COX7B2: variants seen among roughly 807,000 people sequenced by gnomAD.
COX7B2 encodes the protein cytochrome c oxidase subunit 7B2, mitochondrial.
For missense variants in COX7B2, 109 were observed against 95.9 expected (o/e 1.14, Z -0.57); for synonymous variants, 37 against 32.1 (o/e 1.15, Z -0.51).
intron 2 of COX7B2, among the ~76,000 whole-genome samples, chr4:46,826,788 C>T (rs1212278718): frequency 2.0e-5 from 3 of 151,888 alleles, no homozygotes; most frequent in South Asian, 4.2e-4. Context: ...CATGTTCTCA[C>T]GTATAAGTGG....
At chr4:46,869,398 T>A (rs1008789247) in intron 1 of COX7B2, among the ~76,000 whole-genome samples, 1 of 152,190 alleles carries the variant, frequency 6.6e-6, no homozygotes, top group Non-Finnish European at 1.5e-5. Context: ...ATGTGTGGGT[T>A]TGATCTTATC....
chr4:46,785,076 C>T (rs1717676203), intron 2 of COX7B2, among the ~76,000 whole-genome samples: 1 of 152,142 alleles, frequency 6.6e-6, no homozygotes, highest in Non-Finnish European at 1.5e-5. Context: ...TATTTCATTA[C>T]TCCAAAGAGT....
At chr4:46,811,455 T>C (rs1452805525) in intron 2 of COX7B2, among the ~76,000 whole-genome samples, 5 of 152,140 alleles carry the variant, frequency 3.3e-5, no homozygotes, top group Non-Finnish European at 7.4e-5. Flanking sequence ...TTTTATTTCA[T>C]TGATTGAATT....
chr4:46,793,427 G>A (rs746693755), intron 2 of COX7B2, among the ~76,000 whole-genome samples: 3 of 152,118 alleles, frequency 2.0e-5, no homozygotes, highest in Admixed American at 6.6e-5. Flanking sequence ...GGATTTAGGC[G>A]GTTTTTTATT....
chr4:46,897,443 G>T (rs1719830936), intron 1 of COX7B2, among the ~76,000 whole-genome samples: 1 of 152,178 alleles, frequency 6.6e-6, no homozygotes. Flanking sequence ...AAGAAAAGTT[G>T]TGTCTCTCTG....
intron 1 of COX7B2, among the ~76,000 whole-genome samples, chr4:46,875,457 A>G (rs1020090768): frequency 1.3e-5 from 2 of 152,142 alleles, no homozygotes; most frequent in Non-Finnish European, 1.5e-5. Flanking sequence ...TCAATTCTGA[A>G]CAATTTCAGC....
At chr4:46,748,779 T>C (rs1007970909) in intron 2 of COX7B2, among the ~76,000 whole-genome samples, 1 of 152,204 alleles carries the variant, frequency 6.6e-6, no homozygotes, top group African/African-American at 2.4e-5. Flanking sequence ...ACTCATCTTC[T>C]AACAAATTCT....
chr4:46,777,193 G>A (rs139321611), intron 2 of COX7B2, among the ~76,000 whole-genome samples: 2 of 152,088 alleles, frequency 1.3e-5, no homozygotes, highest in African/African-American at 2.4e-5. Flanking sequence ...ACAGAATCTG[G>A]ACCTTGAAAC....
chr4:46,735,837 T>A (rs1714331507), intron 2 of COX7B2, among the ~76,000 whole-genome samples: 1 of 152,146 alleles, frequency 6.6e-6, no homozygotes, highest in South Asian at 2.1e-4. Context: ...CACTTAACAT[T>A]GAGGAATTAT....
At chr4:46,791,256 G>T (rs539638795) in intron 2 of COX7B2, among the ~76,000 whole-genome samples, 1 of 151,180 alleles carries the variant, frequency 6.6e-6, no homozygotes, top group South Asian at 2.1e-4. Flanking sequence ...TGATCCTCCC[G>T]CCTTGGCCTC....
intron 2 of COX7B2, among the ~76,000 whole-genome samples, chr4:46,803,501 T>C (rs1350447362): frequency 6.6e-6 from 1 of 152,198 alleles, no homozygotes; most frequent in Non-Finnish European, 1.5e-5. Context: ...AGTCATATTT[T>C]TTAAAGACTA....
intron 2 of COX7B2, among the ~76,000 whole-genome samples, chr4:46,748,564 A>T (rs1311125094): frequency 6.6e-6 from 1 of 152,292 alleles, no homozygotes; most frequent in Non-Finnish European, 1.5e-5. Context: ...CACTCCATGC[A>T]GTTTTCATTC....
chr4:46,814,775 T>C (rs1577598755), intron 2 of COX7B2, among the ~76,000 whole-genome samples: 3 of 152,326 alleles, frequency 2.0e-5, no homozygotes, highest in Non-Finnish European at 2.9e-5. Context: ...TTTATGATCA[T>C]TTACAGTAGT....
At chr4:46,847,333 G>A (rs1716350672) in intron 1 of COX7B2, among the ~76,000 whole-genome samples, 1 of 152,094 alleles carries the variant, frequency 6.6e-6, no homozygotes. Flanking sequence ...TAGAAACTTA[G>A]GGCAGCCTCC....
At chr4:46,808,401 T>C (rs772295066) in intron 2 of COX7B2, among the ~76,000 whole-genome samples, 1 of 151,894 alleles carries the variant, frequency 6.6e-6, no homozygotes, top group Non-Finnish European at 1.5e-5. Context: ...GCCATATTCA[T>C]TTATTAGTTC....
chr4:46,908,821 C>G (rs1239838049), intron 1 of COX7B2, among the ~76,000 whole-genome samples: 1 of 150,838 alleles, frequency 6.6e-6, no homozygotes, highest in Admixed American at 6.6e-5. Context: ...GCGGGTGGAT[C>G]ACGAGGTCAG....
At chr4:46,741,713 C>A (rs1394815119) in intron 2 of COX7B2, among the ~76,000 whole-genome samples, 2 of 151,964 alleles carry the variant, frequency 1.3e-5, no homozygotes, top group Admixed American at 6.6e-5. Context: ...AGCTGCTTAC[C>A]CCCTATAAAA....
chr4:46,849,894 A>T (rs1330731733), intron 1 of COX7B2, among the ~76,000 whole-genome samples: 1 of 152,048 alleles, frequency 6.6e-6, no homozygotes, highest in Non-Finnish European at 1.5e-5. Flanking sequence ...TTTTAAGAAT[A>T]TGTTCATATA....
intron 2 of COX7B2, among the ~76,000 whole-genome samples, chr4:46,828,205 G>A (rs748507419): frequency 6.6e-6 from 1 of 151,992 alleles, no homozygotes; most frequent in Non-Finnish European, 1.5e-5. Flanking sequence ...AAGACAGGGA[G>A]GAATATTTGC....
Sources: allele counts gnomAD v4.1 joint callset (sites outside exome capture counted in the v4.1 genomes callset), GRCh38; gene constraint gnomAD v4.1.1; transcripts MANE v1.5; gene names NCBI Gene and HGNC (gene_info 2026-07-23, HGNC 2026-07-21).